The following MARCHF1 variants were observed in gnomAD, a reference collection of about 807,000 sequenced individuals.
The protein encoded by MARCHF1 is E3 ubiquitin-protein ligase MARCHF1.
MARCHF1 carries 40 observed loss-of-function variants against 54.2 expected under a neutral mutation model. The ratio of observed to expected loss-of-function variants is 0.74; its 90% CI spans 0.57 to 0.96. The LOEUF (loss-of-function observed/expected upper bound fraction) is 0.96. Among genes scored for constraint, MARCHF1 ranks in the 40% least tolerant of loss-of-function variants. The pLI is 0.00. For missense variants in MARCHF1, 586 were observed against 656.5 expected (o/e 0.89, Z 1.17); for synonymous variants, 236 against 236.3 (o/e 1.00, Z 0.01).
chr4:164,217,272 G>A (rs903414229), intron 1 of MARCHF1, among the ~76,000 whole-genome samples: 2 of 152,144 alleles, frequency 1.3e-5, no homozygotes, highest in African/African-American at 2.4e-5. Flanking sequence ...TGAAACAAGT[G>A]TCATATGGCT....
chr4:164,133,453 G>A (rs906636262), intron 1 of MARCHF1, among the ~76,000 whole-genome samples: 1 of 151,980 alleles, frequency 6.6e-6, no homozygotes. Context: ...AAGAAAAATG[G>A]GTTATCATAT....
chr4:163,786,253 T>C (rs1291877870), intron 4 of MARCHF1, among the ~76,000 whole-genome samples: 2 of 152,040 alleles, frequency 1.3e-5, no homozygotes, highest in East Asian at 3.8e-4. Flanking sequence ...ACTCTATTAC[T>C]TTTTTAATTT....
chr4:163,542,846 G>A (rs1167113707), intron 9 of MARCHF1, among the ~76,000 whole-genome samples: 6 of 152,320 alleles, frequency 3.9e-5, no homozygotes, highest in African/African-American at 1.4e-4. Context: ...TCCTACTTCA[G>A]GGAGCTGTAA....
chr4:164,301,806 G>A (rs967303632), intron 1 of MARCHF1, among the ~76,000 whole-genome samples: 6 of 152,126 alleles, frequency 3.9e-5, no homozygotes, highest in Non-Finnish European at 5.9e-5. Context: ...TAAAAGGATC[G>A]AATGCTGGAA....
At chr4:163,688,369 ACTT>A (rs1258692129) in intron 5 of MARCHF1, among the ~76,000 whole-genome samples, 2 of 152,254 alleles carry the variant, frequency 1.3e-5, no homozygotes, top group Non-Finnish European at 2.9e-5. Context: ...TAAAAACCTG[ACTT>A]CTTTGACTTT....
chr4:163,673,576 T>C (rs964087305), intron 5 of MARCHF1, among the ~76,000 whole-genome samples: 1 of 152,096 alleles, frequency 6.6e-6, no homozygotes, highest in African/African-American at 2.4e-5. Context: ...AAATAGCCAT[T>C]TTAGGAAATG....
chr4:164,158,366 G>A (rs1395817011), intron 1 of MARCHF1, among the ~76,000 whole-genome samples: 2 of 152,104 alleles, frequency 1.3e-5, no homozygotes, highest in East Asian at 3.9e-4. Context: ...AAAAGGTCAG[G>A]TGTGGTGGCT....
chr4:163,652,046 C>T lies in MARCHF1; in HGVS notation c.163-38653G>A, dbSNP rs1421352762. ...CTGATTTCTTACTATGGGGCTTTTG[C>T]ACATGTTATTCCCTCTTTTTAGAAT... is the stretch of plus-strand genomic sequence containing the variant. On this transcript the variant is annotated intron_variant, in intron 5 of 9. Transcript: ENST00000514618. 6.6e-5 allele frequency among the ~76,000 whole-genome samples: 10 copies of T among 151,688 alleles called. No individual in the cohort carries two copies. In the Admixed American group the frequency reaches 6.6e-4, roughly 10 times the overall value.
intron 3 of MARCHF1, among the ~76,000 whole-genome samples, chr4:163,950,959 C>G (rs915888918): frequency 5.3e-5 from 8 of 152,312 alleles, no homozygotes; most frequent in African/African-American, 1.7e-4. Context: ...TTAGAGACCA[C>G]TACAGTTATT....
intron 4 of MARCHF1, among the ~76,000 whole-genome samples, chr4:163,843,345 G>C (rs1749394250): frequency 6.6e-6 from 1 of 151,900 alleles, no homozygotes; most frequent in South Asian, 2.1e-4. Flanking sequence ...TGTGTTTTTT[G>C]GTAGTACACT....
intron 1 of MARCHF1, among the ~76,000 whole-genome samples, chr4:164,314,494 T>G (rs969313742): frequency 1.3e-5 from 2 of 152,178 alleles, no homozygotes; most frequent in Non-Finnish European, 2.9e-5. Context: ...CACTTACAAA[T>G]ATCACCTTTA....
intron 4 of MARCHF1, among the ~76,000 whole-genome samples, chr4:163,779,574 G>A (rs1308843146): frequency 6.6e-6 from 1 of 151,658 alleles, no homozygotes; most frequent in Non-Finnish European, 1.5e-5. Context: ...GGCCATAAAT[G>A]AGAAAGGAAA....
chr4:163,842,901 G>A (rs1047147883), intron 4 of MARCHF1, among the ~76,000 whole-genome samples: 2 of 152,028 alleles, frequency 1.3e-5, no homozygotes, highest in Admixed American at 6.6e-5. Context: ...ATGCATGTGC[G>A]GTGTGTTACA....
intron 5 of MARCHF1, among the ~76,000 whole-genome samples, chr4:163,652,710 A>G (rs1020570583): frequency 1.3e-5 from 2 of 151,954 alleles, no homozygotes; most frequent in East Asian, 3.9e-4. Context: ...TAAGTGTTCC[A>G]TAAAAGTTTA....
chr4:164,373,672 A>G (rs1274088548), intron 1 of MARCHF1, among the ~76,000 whole-genome samples: 1 of 152,076 alleles, frequency 6.6e-6, no homozygotes, highest in Admixed American at 6.5e-5. Flanking sequence ...CACTTTATAT[A>G]ACAAAAAAAT....
chr4:163,658,396 A>C (rs10003683), intron 5 of MARCHF1, among the ~76,000 whole-genome samples: 2,848 of 152,114 alleles, frequency 0.019, 86 homozygotes, highest in African/African-American at 0.063. Context: ...AAAGTCAAGA[A>C]ATAACAGATA....
chr4:164,055,665 C>G (rs1312307351), intron 2 of MARCHF1, among the ~76,000 whole-genome samples: 1 of 152,060 alleles, frequency 6.6e-6, no homozygotes, highest in Non-Finnish European at 1.5e-5. Context: ...TATTAAGTAG[C>G]ATGGATTAGG....
intron 4 of MARCHF1, among the ~76,000 whole-genome samples, chr4:163,718,747 T>C (rs1745343061): frequency 6.6e-6 from 1 of 152,098 alleles, no homozygotes; most frequent in Non-Finnish European, 1.5e-5. Context: ...GGTTGGACTT[T>C]TGCCTAGAAC....
intron 4 of MARCHF1, among the ~76,000 whole-genome samples, chr4:163,709,296 C>T (rs563224751): frequency 6.6e-6 from 1 of 152,170 alleles, no homozygotes; most frequent in East Asian, 1.9e-4. Context: ...TTGTTTTAGG[C>T]CAGGCAAGCA....
Sources: allele counts gnomAD v4.1 joint callset (sites outside exome capture counted in the v4.1 genomes callset), GRCh38; gene constraint gnomAD v4.1.1; transcripts MANE v1.5; gene names NCBI Gene and HGNC (gene_info 2026-07-23, HGNC 2026-07-21).